Variants in RPS6KA3 observed in about 807,000 individuals in gnomAD.
RPS6KA3 encodes the protein ribosomal protein S6 kinase alpha-3.
A neutral mutation model predicts 67.2 loss-of-function variants in RPS6KA3; 4 were observed. The observed-to-expected ratio is 0.06, with a 90% CI of 0.03 to 0.14. The LOEUF (loss-of-function observed/expected upper bound fraction) is 0.14, where lower values mean the gene tolerates loss of function less well. Among genes scored for constraint, RPS6KA3 ranks in the 10% least tolerant of loss-of-function variants. The probability of loss-of-function intolerance (pLI) is 1.00; values close to 1 mark genes in which losing one functional copy is unlikely to be tolerated. For synonymous variants in RPS6KA3, 182 were observed against 183.7 expected, an observed-to-expected ratio of 0.99 and a Z score of 0.07; for missense variants, 204 against 559.0, an observed-to-expected ratio of 0.36 and a Z score of 6.40.
chrX:20,262,878 T>C (rs2070271967), intron 1 of RPS6KA3, among the ~76,000 whole-genome samples: 1 of 111,970 alleles, frequency 8.9e-6, no homozygotes, highest in East Asian at 2.8e-4. Flanking sequence ...AGAAATACTA[T>C]AAAATCTATG....
chrX:20,174,347 CTTTT>C (rs746491012), intron 14 of RPS6KA3, among the ~76,000 whole-genome samples: 1 of 91,458 alleles, frequency 1.1e-5, no homozygotes, highest in Non-Finnish European at 2.2e-5. Context: ...ATTCTACTTT[CTTTT>C]TTTTTTTTTT....
chrX:20,257,090 CT>C, intron 1 of RPS6KA3, among the ~76,000 whole-genome samples: 1 of 111,896 alleles, frequency 8.9e-6, no homozygotes, highest in African/African-American at 3.2e-5. Flanking sequence ...TTATTTAACC[CT>C]TCTAGGCTTC....
At position 20,167,745 on chromosome X, in the gene RPS6KA3, T is replaced by G. The variant is rs768426306; in HGVS notation, c.1446A>C (p.Val482=). ...QHPNIITLKD[V]YDDGKYVYVV... ...CATACACATACTTTCCATCATCATA[T>G]ACCTATAAATTTCAACATCAAAATG... is the stretch of plus-strand genomic sequence containing the variant. Residue 482 remains valine, a splice_region_variant and synonymous_variant, in exon 17 of 22, where the codon GTA becomes GTC. Transcript: ENST00000379565. 17 of 1,087,939 alleles carry G rather than the reference T, an allele frequency of 1.6e-5. No homozygotes were observed. The South Asian group carries it at 3.2e-4, about 20-fold the overall frequency. The allele number at this position is 1,087,939 out of a possible 1,213,427, so 89.7% of individuals were successfully genotyped here.
intron 16 of RPS6KA3, among the ~76,000 whole-genome samples, chrX:20,168,894 G>A (rs567624642): frequency 1.1e-4 from 12 of 111,633 alleles, no homozygotes; most frequent in African/African-American, 2.0e-4. Flanking sequence ...GCTCTGCTGC[G>A]CTGGCTGGAG....
In RPS6KA3 at chrX:20,155,484, T is replaced by C; in HGVS notation, c.2137A>G (p.Asn713Asp). 8.3e-7 allele frequency: 1 copy of C among 1,210,881 alleles called. No individual in the cohort carries two copies. The highest frequency in any genetic ancestry group is 1.8e-5 in the South Asian group (1 of 56,964). The change falls in exon 22 of 22, where the codon AAT becomes GAT. Residue 713 changes from asparagine (N) to aspartate (D), a missense_variant. This residue lies in a region of RPS6KA3 where 73 missense variants were observed against 241.1 expected (regional missense o/e 0.30). Transcript: ENST00000379565. ...MAATYSALNRNQSPVLEPVGR... is the reference protein window; with the variant it reads ...MAATYSALNRDQSPVLEPVGR... Reference sequence around the variant, plus strand: ...ACTGGTTCCAAAACTGGTGACTGATTACGGTTCAAAGCAGAATATGTAGCT... The same window carrying C: ...ACTGGTTCCAAAACTGGTGACTGATCACGGTTCAAAGCAGAATATGTAGCT...
At chrX:20,171,982 T>C (rs1022664479) in intron 15 of RPS6KA3, among the ~76,000 whole-genome samples, 1 of 112,377 alleles carries the variant, frequency 8.9e-6, no homozygotes, top group Non-Finnish European at 1.9e-5. Flanking sequence ...GAAAGCCCTA[T>C]AGACACTGAC....
At chrX:20,204,772 C>T (rs757109130) in intron 3 of RPS6KA3, among the ~76,000 whole-genome samples, 1 of 111,087 alleles carries the variant, frequency 9.0e-6, no homozygotes, top group South Asian at 3.8e-4. Flanking sequence ...TGGTAGCTGG[C>T]ACCTGTAATC....
At chrX:20,219,085 C>A in intron 2 of RPS6KA3, 1 of 306,341 alleles carries the variant, frequency 3.3e-6, no homozygotes, top group Non-Finnish European at 5.8e-6. Context: ...AATAGGAAAC[C>A]AAAACAGATT....
rs2068667463 is a variant in RPS6KA3 at position 20,209,901 on chromosome X, C to T, written c.127-497G>A. ...CCAGGGTAAACATGGAGATTTCTAA[C>T]CTCAATGTGGCTGTTTAAGTACACT... On this transcript the variant is annotated intron_variant, in intron 2 of 21. Transcript: ENST00000379565. Among the ~76,000 whole-genome samples the T allele has an allele frequency of 2.7e-5, 3 of 112,195 alleles. No individual in the cohort carries two copies. In the South Asian group the frequency reaches 1.1e-3, roughly 41 times the overall value.
intron 2 of RPS6KA3, among the ~76,000 whole-genome samples, chrX:20,211,745 C>T (rs1414403567): frequency 9.1e-6 from 1 of 110,431 alleles, no homozygotes; most frequent in Non-Finnish European, 1.9e-5. Flanking sequence ...CAGTTAGCCT[C>T]GTATTAAAAA....
intron 7 of RPS6KA3, 63 bp downstream of exon 7, chrX:20,193,424 T>C: frequency 1.4e-6 from 1 of 703,719 alleles, no homozygotes; most frequent in Non-Finnish European, 2.2e-6. Context: ...AGCCACTTGA[T>C]TTTTTATAAT....
chrX:20,176,857 G>T, intron 11 of RPS6KA3, 139 bp downstream of exon 11: 1 of 503,507 alleles, frequency 2.0e-6, no homozygotes, highest in Non-Finnish European at 3.5e-6. Flanking sequence ...CTCCCAAAGT[G>T]CTGGGATTAC....
At chrX:20,263,735 C>T (rs562823142) in intron 1 of RPS6KA3, among the ~76,000 whole-genome samples, 5 of 111,709 alleles carry the variant, frequency 4.5e-5, no homozygotes, top group African/African-American at 1.6e-4. Flanking sequence ...TCATCCTATT[C>T]CTGACTTTCA....
intron 1 of RPS6KA3, among the ~76,000 whole-genome samples, chrX:20,235,767 A>G (rs890224595): frequency 7.1e-5 from 8 of 111,930 alleles, no homozygotes; most frequent in African/African-American, 2.6e-4. Context: ...CATATTTTAA[A>G]AAAACCAAAA....
chrX:20,246,468 C>T (rs1481968081), intron 1 of RPS6KA3, among the ~76,000 whole-genome samples: 4 of 111,261 alleles, frequency 3.6e-5, no homozygotes, highest in African/African-American at 9.8e-5. Flanking sequence ...GGCTAAAAAT[C>T]TGAGTTCTGG....
At chrX:20,212,483 G>A (rs932174881) in intron 2 of RPS6KA3, among the ~76,000 whole-genome samples, 6 of 111,111 alleles carry the variant, frequency 5.4e-5, no homozygotes, top group South Asian at 3.8e-4. Flanking sequence ...CCTGGGTGAT[G>A]AGAGAGAGAC....
chrX:20,204,181 T>C, intron 3 of RPS6KA3, 78 bp from the exon 4 acceptor site: 1 of 595,265 alleles, frequency 1.7e-6, no homozygotes, highest in East Asian at 3.6e-5. Flanking sequence ...CCTGCTATAA[T>C]ACAGTTTATT....
intron 1 of RPS6KA3, among the ~76,000 whole-genome samples, chrX:20,249,518 ACCT>A (rs749933119): frequency 6.3e-5 from 7 of 111,827 alleles, no homozygotes; most frequent in African/African-American, 2.3e-4. Flanking sequence ...ATGTAGTGAT[ACCT>A]CATCATGTTT....
At chrX:20,165,573 T>C (rs578197543) in intron 17 of RPS6KA3, among the ~76,000 whole-genome samples, 3 of 111,271 alleles carry the variant, frequency 2.7e-5, no homozygotes, top group East Asian at 5.6e-4. Flanking sequence ...TCTGATCCAA[T>C]AGCTGAAGAA....
Sources: allele counts gnomAD v4.1 joint callset (sites outside exome capture counted in the v4.1 genomes callset), GRCh38; gene constraint gnomAD v4.1.1; regional missense constraint gnomAD v4.1.1; transcripts MANE v1.5; gene names NCBI Gene and HGNC (gene_info 2026-07-23, HGNC 2026-07-21).